The following C2orf49 variants were observed in gnomAD, a reference collection of about 807,000 sequenced individuals.
The protein encoded by C2orf49 is tRNA splicing ligase complex subunit 2.
C2orf49 carries 11 observed loss-of-function variants against 20.6 expected under a neutral mutation model. The observed-to-expected ratio is 0.53, with a 90% confidence interval of 0.34 to 0.88. The LOEUF (loss-of-function observed/expected upper bound fraction) is 0.88. Ranked by LOEUF, C2orf49 falls within the 40% of genes least tolerant of loss-of-function variation. The pLI is 0.02. For synonymous variants in C2orf49, 134 were observed against 108.5 expected, an observed-to-expected ratio of 1.24 and a Z score of -1.46; for missense variants, 289 against 274.2, an observed-to-expected ratio of 1.05 and a Z score of -0.38.
chr2:105,353,704 T>G (rs778603617), downstream of C2orf49, among the ~76,000 whole-genome samples: 7 of 152,216 alleles, frequency 4.6e-5, no homozygotes, highest in Non-Finnish European at 1.0e-4. Flanking sequence ...TTCCAGATCT[T>G]ACTTCTTGGT....
At chr2:105,358,123 A>G in the C2orf49 span, 1 of 152,146 alleles carries the variant, frequency 6.6e-6, no homozygotes, top group Non-Finnish European at 1.5e-5. Context: ...GCTTTTTGCT[A>G]CTAATAGCAT....
chr2:105,340,907 G>A (rs1679648514), intron 2 of C2orf49, among the ~76,000 whole-genome samples: 1 of 152,174 alleles, frequency 6.6e-6, no homozygotes, highest in African/African-American at 2.4e-5. Flanking sequence ...GGGTAAAGGG[G>A]AGTATGTTCC....
At chr2:105,345,287 T>TA (rs894840421) in intron 3 of C2orf49, 28 bp from the exon 4 acceptor site, 1 of 1,595,786 alleles carries the variant, frequency 6.3e-7, no homozygotes, top group Non-Finnish European at 8.5e-7. Context: ...TCTGCAAGTA[T>TA]AAACTGATTT....
At chr2:105,381,360 C>T in the C2orf49 span, among the ~76,000 whole-genome samples, 1 of 152,162 alleles carries the variant, frequency 6.6e-6, no homozygotes, top group Non-Finnish European at 1.5e-5. Context: ...TTAACTCACT[C>T]AATTACCCCG....
At chr2:105,340,260 G>A (rs1573241648) in intron 2 of C2orf49, among the ~76,000 whole-genome samples, 1 of 152,330 alleles carries the variant, frequency 6.6e-6, no homozygotes, top group Admixed American at 6.5e-5. Flanking sequence ...AAGGACTTTG[G>A]CTGTACTCAG....
chr2:105,367,853 T>C, the C2orf49 span: 1 of 1,067,346 alleles, frequency 9.4e-7, no homozygotes, highest in East Asian at 2.5e-5. Context: ...AGCAAGCCAC[T>C]TCAGCTCTTG....
At chr2:105,361,384 C>T in the C2orf49 span, 33 of 1,613,896 alleles carry the variant, frequency 2.0e-5, no homozygotes, top group South Asian at 7.7e-5. Flanking sequence ...TTAAAGCAGT[C>T]GTTATGCCAC....
At chr2:105,362,666 G>A in the C2orf49 span, among the ~76,000 whole-genome samples, 2 of 152,282 alleles carry the variant, frequency 1.3e-5, no homozygotes, top group African/African-American at 2.4e-5. Flanking sequence ...GCGATATGTG[G>A]TGACCATTTA....
chr2:105,375,369 A>G, the C2orf49 span: 1 of 152,240 alleles, frequency 6.6e-6, no homozygotes, highest in Non-Finnish European at 1.5e-5. Flanking sequence ...TTTGCTTCCT[A>G]GAACATCTGG....
rs1401489715 is a variant in C2orf49 at position 105,347,804 on chromosome 2, T to C, written c.*2433T>C. The C allele has an allele frequency of 1.3e-5, 2 of 152,210 alleles. No individual in the cohort carries two copies. Among genetic ancestry groups the C allele is most frequent in the Non-Finnish European group, 2.9e-5 (2 of 68,046 alleles). The allele number at this position is 152,210 out of a possible 1,614,324, so 9.4% of individuals were successfully genotyped here. On this transcript the variant is annotated 3_prime_UTR_variant, in exon 4 of 4. Coordinates refer to ENST00000258457, the MANE Select transcript of C2orf49 (RefSeq NM_024093.3). ...TGCTTCAAAGGTTAGAAGAACTTGA[T>C]ATGTATGGCAAACAACTTTAGAATA... is the stretch of plus-strand genomic sequence containing the variant.
chr2:105,364,348 A>G, the C2orf49 span, among the ~76,000 whole-genome samples: 1 of 152,238 alleles, frequency 6.6e-6, no homozygotes, highest in Non-Finnish European at 1.5e-5. Context: ...ACTTACGGTG[A>G]AAGAAGGAAG....
chr2:105,382,863 C>A, the C2orf49 span, among the ~76,000 whole-genome samples: 4 of 152,090 alleles, frequency 2.6e-5, no homozygotes, highest in Non-Finnish European at 4.4e-5. Context: ...GCAGCTGTCT[C>A]TGGAGTTATT....
At position 105,347,863 on chromosome 2, in the gene C2orf49, G is replaced by C. The variant is rs1254692141; in HGVS notation, c.*2492G>C. The C allele has an allele frequency of 6.6e-6, 1 of 152,128 alleles. No homozygotes were observed. Among genetic ancestry groups the C allele is most frequent in the Non-Finnish European group, 1.5e-5 (1 of 68,024 alleles). 9.4% of individuals were successfully genotyped at this position (152,128 alleles called of 1,614,324 possible). Reference sequence around the variant, plus strand: ...TCACTAACATGAGGCGGGTAATGTTGCTCTAGATTCTATATTCCAGTAAAG... The same window carrying C: ...TCACTAACATGAGGCGGGTAATGTTCCTCTAGATTCTATATTCCAGTAAAG... On this transcript the variant is annotated 3_prime_UTR_variant, in exon 4 of 4. Coordinates refer to ENST00000258457, the MANE Select transcript of C2orf49 (RefSeq NM_024093.3).
At chr2:105,359,154 G>A in the C2orf49 span, 43 of 152,170 alleles carry the variant, frequency 2.8e-4, no homozygotes, top group African/African-American at 1.0e-3. Flanking sequence ...TAATTTGGAG[G>A]AGAATTAGTC....
the C2orf49 span, among the ~76,000 whole-genome samples, chr2:105,355,770 T>TTGTGTGTGTGTGTGTG: frequency 2.8e-5 from 4 of 143,202 alleles, no homozygotes; most frequent in South Asian, 2.3e-4. Flanking sequence ...AGAAAAAATT[T>TTGTGTGTGTGTGTGTG]TGTGTGTGTG....
chr2:105,344,235 G>A (rs1235087974), intron 3 of C2orf49, among the ~76,000 whole-genome samples: 3 of 152,156 alleles, frequency 2.0e-5, no homozygotes, highest in African/African-American at 7.2e-5. Flanking sequence ...TTTGATCCCA[G>A]GGCACACACT....
At chr2:105,352,829 G>A (rs748994637), downstream of C2orf49, among the ~76,000 whole-genome samples, 8 of 152,054 alleles carry the variant, frequency 5.3e-5, no homozygotes, top group Non-Finnish European at 1.0e-4. Context: ...AATTAAAGTC[G>A]CAGTATTCTG....
the C2orf49 span, chr2:105,361,044 C>T: frequency 1.0e-5 from 4 of 395,126 alleles, no homozygotes; most frequent in African/African-American, 2.0e-5. Flanking sequence ...GTGCCTTACT[C>T]GATTACAAAA....
At chr2:105,363,607 C>T in the C2orf49 span, 3 of 785,736 alleles carry the variant, frequency 3.8e-6, no homozygotes, top group Admixed American at 5.4e-5. Context: ...AGCTGCTTTA[C>T]AAACTTCACA....
Sources: gnomAD v4.1 joint callset for allele counts (sites outside exome capture counted in the v4.1 genomes callset) on GRCh38, gnomAD v4.1.1 for gene constraint, MANE v1.5 for transcripts, NCBI Gene and HGNC (gene_info 2026-07-23, HGNC 2026-07-21) for gene names.